Variants in ZBBX observed in about 807,000 individuals in gnomAD.
ZBBX encodes the protein zinc finger B-box domain containing, also known as zinc finger B-box domain-containing protein 1.
In ZBBX, 101 loss-of-function variants were observed where a neutral mutation model predicts 108.5. The observed-to-expected ratio is 0.93, with a 90% CI of 0.79 to 1.10. ZBBX has a LOEUF of 1.10. Ranked by LOEUF, ZBBX falls within the 50% of genes least tolerant of loss-of-function variation. The pLI is 0.00. For synonymous variants in ZBBX, 356 were observed against 323.4 expected (o/e 1.10, Z -1.08); for missense variants, 1,009 against 941.4 (o/e 1.07, Z -0.94).
chr3:167,273,070 G>A (rs770415656), intron 20 of ZBBX, among the ~76,000 whole-genome samples: 1 of 152,130 alleles, frequency 6.6e-6, no homozygotes, highest in Non-Finnish European at 1.5e-5. Context: ...TTTGAAATGC[G>A]TTTTATTAAT....
chr3:167,335,362 G>C (rs563912813), intron 9 of ZBBX, among the ~76,000 whole-genome samples: 1 of 152,198 alleles, frequency 6.6e-6, no homozygotes, highest in South Asian at 2.1e-4. Flanking sequence ...TGGCAAATTT[G>C]GGGAAGGCCC....
the ZBBX span, among the ~76,000 whole-genome samples, chr3:167,218,912 A>G: frequency 3.3e-5 from 5 of 152,038 alleles, no homozygotes; most frequent in Admixed American, 2.6e-4. Flanking sequence ...ACACACATAG[A>G]CTGAAAAATC....
Position 167,320,548 on chromosome 3 carries a change from A to T in ZBBX, c.983+1569T>A, listed in dbSNP as rs75898163. 6.5e-3 allele frequency among the ~76,000 whole-genome samples: 995 copies of T among 152,158 alleles called. 7 individuals carry two copies. The highest frequency in any genetic ancestry group is 0.01 in the Middle Eastern group (3 of 294). On this transcript the variant is annotated intron_variant, in intron 12 of 21. Coordinates refer to ENST00000675490, the MANE Select transcript of ZBBX (RefSeq NM_001199201.2). ...TGCTGCAGGCAAAATTCACTCACAAACTCTAAAATTAGGAGGTGAAAGTTT... is the reference window on the plus strand; with the variant it reads ...TGCTGCAGGCAAAATTCACTCACAATCTCTAAAATTAGGAGGTGAAAGTTT...
intron 1 of ZBBX, among the ~76,000 whole-genome samples, chr3:167,387,728 T>G (rs931441008): frequency 6.6e-6 from 1 of 151,966 alleles, no homozygotes; most frequent in Non-Finnish European, 1.5e-5. Context: ...GAGATACTAA[T>G]GGACTAGGCC....
intron 17 of ZBBX, among the ~76,000 whole-genome samples, chr3:167,301,774 G>A (rs1395603226): frequency 6.6e-6 from 1 of 151,906 alleles, no homozygotes. Context: ...TGGCTAACAC[G>A]ATGAAACCCC....
the ZBBX span, among the ~76,000 whole-genome samples, chr3:167,194,162 G>C: frequency 6.7e-6 from 1 of 150,084 alleles, no homozygotes. Flanking sequence ...TGAGGTAATG[G>C]CTATCCCAAA....
At chr3:167,305,482 T>C (rs1464898015) in intron 17 of ZBBX, among the ~76,000 whole-genome samples, 161 bp downstream of exon 17, 1 of 152,154 alleles carries the variant, frequency 6.6e-6, no homozygotes, top group East Asian at 1.9e-4. Context: ...GCCATTAATG[T>C]TCTCTCCCGT....
At chr3:167,231,161 G>A in the ZBBX span, among the ~76,000 whole-genome samples, 1 of 151,808 alleles carries the variant, frequency 6.6e-6, no homozygotes, top group Admixed American at 6.6e-5. Context: ...ACACTAATCT[G>A]GAGCTAAGCG....
chr3:167,367,129 A>C (rs1001400387), intron 5 of ZBBX, among the ~76,000 whole-genome samples: 5 of 151,976 alleles, frequency 3.3e-5, no homozygotes, highest in Admixed American at 6.6e-5. Flanking sequence ...ACTAAACAAA[A>C]GTTAATTTAA....
At chr3:167,239,294 G>A (rs1720360818), downstream of ZBBX, among the ~76,000 whole-genome samples, 1 of 151,970 alleles carries the variant, frequency 6.6e-6, no homozygotes, top group African/African-American at 2.4e-5. Flanking sequence ...TTATTTAAAT[G>A]TTAATCTAAC....
intron 14 of ZBBX, 145 bp downstream of exon 14, chr3:167,316,860 A>G: frequency 2.0e-6 from 1 of 488,444 alleles, no homozygotes; most frequent in South Asian, 4.2e-5. Context: ...TTATAAGCAT[A>G]TTTAAACCCA....
At chr3:167,213,528 A>G in the ZBBX span, among the ~76,000 whole-genome samples, 3 of 152,294 alleles carry the variant, frequency 2.0e-5, no homozygotes, top group East Asian at 3.9e-4. Flanking sequence ...CAAAACCTCC[A>G]ACAATTATGG....
intron 9 of ZBBX, among the ~76,000 whole-genome samples, chr3:167,334,459 C>T (rs922131505): frequency 5.9e-5 from 9 of 151,728 alleles, no homozygotes; most frequent in African/African-American, 1.2e-4. Flanking sequence ...CTGTAGTCTC[C>T]GCTACTCGGG....
chr3:167,202,532 G>C, the ZBBX span, among the ~76,000 whole-genome samples: 5 of 152,054 alleles, frequency 3.3e-5, no homozygotes, highest in Admixed American at 2.0e-4. Flanking sequence ...AAACTAGTAA[G>C]TTTCTGCTAG....
intron 19 of ZBBX, among the ~76,000 whole-genome samples, chr3:167,284,716 G>GA: frequency 6.6e-6 from 1 of 152,186 alleles, no homozygotes; most frequent in South Asian, 2.1e-4. Flanking sequence ...ACACAGCAAA[G>GA]AAACAGACCA....
intron 10 of ZBBX, 30 bp downstream of exon 10, chr3:167,333,796 GA>G: frequency 6.5e-7 from 1 of 1,530,084 alleles, no homozygotes; most frequent in Non-Finnish European, 8.8e-7. Context: ...ACATATGTCA[GA>G]AAATGTCTAC....
the ZBBX span, among the ~76,000 whole-genome samples, chr3:167,224,916 T>C: frequency 6.6e-5 from 10 of 151,862 alleles, no homozygotes; most frequent in African/African-American, 2.2e-4. Context: ...GAGATAATGA[T>C]ATCCTCCACA....
rs777706259 is a variant in ZBBX at position 167,314,035 on chromosome 3, CT to C, written c.1355del (p.Lys452ArgfsTer5). 9.9e-6 allele frequency: 16 copies of C among 1,608,132 alleles called. No individual in the cohort carries two copies. Among genetic ancestry groups the C allele is most frequent in the Admixed American group, 1.7e-5 (1 of 59,266 alleles). ...IHQHHVFDKG[K>X]RDFLNLCLRN... ...TCAGACAAAGATTTAAGAAGTCTCTCTTTCCCTTATCGAAAACATGATGTTG... is the reference window on the plus strand; with the variant it reads ...TCAGACAAAGATTTAAGAAGTCTCTCTTCCCTTATCGAAAACATGATGTTG... On this transcript the variant is annotated frameshift_variant, in exon 16 of 22. Coordinates refer to ENST00000675490, the MANE Select transcript of ZBBX (RefSeq NM_001199201.2). LOFTEE classifies it high-confidence loss of function.
intron 8 of ZBBX, among the ~76,000 whole-genome samples, chr3:167,358,502 G>T (rs965488982): frequency 6.6e-6 from 1 of 152,076 alleles, no homozygotes; most frequent in Admixed American, 6.6e-5. Context: ...ACTTAAAATA[G>T]CTAAGTTGAC....
Sources: gnomAD v4.1 joint callset for allele counts (sites outside exome capture counted in the v4.1 genomes callset) on GRCh38, gnomAD v4.1.1 for gene constraint, MANE v1.5 for transcripts, NCBI Gene and HGNC (gene_info 2026-07-23, HGNC 2026-07-21) for gene names.